Variants in DHX38 observed in about 807,000 individuals in gnomAD.
DHX38 encodes the protein DEAH-box helicase 38, also known as pre-mRNA-splicing factor ATP-dependent RNA helicase PRP16.
A neutral mutation model predicts 153.1 loss-of-function variants in DHX38; 100 were observed. That is an observed-to-expected ratio of 0.65 (90% CI 0.56 to 0.77). The LOEUF is 0.77. DHX38 is among the 30% of genes least tolerant of loss of function. The pLI, the probability that DHX38 is intolerant of heterozygous loss-of-function variation, is 0.00. For synonymous variants in DHX38, 650 were observed against 631.7 expected, an observed-to-expected ratio of 1.03 and a Z score of -0.43; for missense variants, 1,440 against 1,654.0, an observed-to-expected ratio of 0.87 and a Z score of 2.24.
At chr16:72,094,962 C>G (rs939336740) in intron 1 of DHX38, among the ~76,000 whole-genome samples, 4 of 152,218 alleles carry the variant, frequency 2.6e-5, no homozygotes, top group African/African-American at 4.8e-5. Context: ...CACCAATATG[C>G]AGCTTTCTTT....
rs954130393 is a variant in DHX38 at position 72,103,879 on chromosome 16, C to A, written c.1825-67C>A. Reference sequence around the variant, plus strand: ...GGGTGTGATCTGCTAAGACTCGGACCCCAGTACGGGGTGTGCTGGTGGTGA... The same window carrying A: ...GGGTGTGATCTGCTAAGACTCGGACACCAGTACGGGGTGTGCTGGTGGTGA... On this transcript the variant is annotated intron_variant, in intron 13 of 26. Coordinates refer to ENST00000268482, the MANE Select transcript of DHX38 (RefSeq NM_014003.4). The A allele has an allele frequency of 1.8e-5, 29 of 1,602,358 alleles. No homozygotes were observed. In the African/African-American group the frequency reaches 2.0e-4, roughly 11 times the overall value.
At chr16:72,101,229 T>C in intron 10 of DHX38, 36 bp downstream of exon 10, 3 of 1,610,360 alleles carry the variant, frequency 1.9e-6, no homozygotes, top group African/African-American at 1.3e-5. Context: ...GAAGTTTATG[T>C]GTATTTTTTT....
chr16:72,098,770 C>T lies in DHX38; in HGVS notation c.742C>T (p.Leu248=), dbSNP rs2042055818. ...TCGGGATTCTGAGCGGAGCCATCGG[C>T]TGTCCACTCGAGATCGAGACAGGTG... ...SYRDSERSHR[L]STRDRDRSVR... Residue 248 remains leucine, a synonymous_variant, in exon 5 of 27, where the codon CTG becomes TTG. Transcript: ENST00000268482. 3.1e-6 allele frequency: 5 copies of T among 1,614,180 alleles called. No homozygotes were observed. In the East Asian group the frequency reaches 1.1e-4, roughly 36 times the overall value.
rs775421345 is a variant in DHX38 at position 72,107,353 on chromosome 16, A to C, written c.2614A>C (p.Ser872Arg). ...PGQCFRLYTQSAYKNELLTTT... is the reference protein window; with the variant it reads ...PGQCFRLYTQRAYKNELLTTT... ...TCTCCCCGGCAGGCTCTACACCCAG[A>C]GCGCCTACAAGAATGAGCTCCTGAC... Residue 872 changes from serine to arginine, a missense_variant, in exon 20 of 27, where the codon AGC becomes CGC. By Grantham distance (110) the Ser-to-Arg change is moderately radical. Around this residue, in one of 6 missense-constraint regions of DHX38, gnomAD observed 543 missense variants for 717.9 expected, o/e 0.76. Transcript: ENST00000268482. This position sits in a 1 kb window ranked among gnomAD's most constrained non-coding sequence, Gnocchi z 5.3. The C allele has an allele frequency of 6.2e-7, 1 of 1,609,814 alleles. No homozygotes were observed. Among genetic ancestry groups the C allele is most frequent in the South Asian group, 1.1e-5 (1 of 90,998 alleles).
intron 11 of DHX38, 89 bp from the exon 12 acceptor site, chr16:72,102,985 T>A (rs1260558226): frequency 1.9e-6 from 3 of 1,552,486 alleles, no homozygotes; most frequent in African/African-American, 2.7e-5. Context: ...AAGTCCTCAT[T>A]CCTGAGCGTA....
chr16:72,097,831 AGAGT>A (rs1567603607), intron 4 of DHX38, 50 bp downstream of exon 4: 1 of 1,496,542 alleles, frequency 6.7e-7, no homozygotes, highest in Admixed American at 1.9e-5. Flanking sequence ...TATAAAAGGC[AGAGT>A]GAGTGACTCT....
At chr16:72,110,909 C>A in intron 25 of DHX38, 47 bp from the exon 26 acceptor site, 1 of 1,533,224 alleles carries the variant, frequency 6.5e-7, no homozygotes, top group South Asian at 1.2e-5. Flanking sequence ...GGCCTCCTTC[C>A]TTAGTGGTCC....
chr16:72,108,794 C>A lies in DHX38; in HGVS notation c.3256-6C>A, dbSNP rs1193454195. The stretch of plus-strand genomic sequence containing the variant: ...GATGTGGCTGCCTGTTGTGTCTCCT[C>A]CCTAGGGAATCGGGGAGTACGTGAA... On this transcript the variant is annotated splice_polypyrimidine_tract_variant and splice_region_variant and intron_variant, in intron 23 of 26. Coordinates refer to ENST00000268482, the MANE Select transcript of DHX38 (RefSeq NM_014003.4). 6.2e-7 allele frequency: 1 copy of A among 1,612,030 alleles called. No individual in the cohort carries two copies. The highest frequency in any genetic ancestry group is 1.3e-5 in the African/African-American group (1 of 74,894).
intron 18 of DHX38, 62 bp from the exon 19 acceptor site, chr16:72,105,943 C>A: frequency 6.6e-7 from 1 of 1,508,842 alleles, no homozygotes; most frequent in Non-Finnish European, 9.2e-7. Context: ...GCCTTTGTCT[C>A]AGGCCTACTT....
chr16:72,108,753 T>G, intron 23 of DHX38, 47 bp from the exon 24 acceptor site: 1 of 1,603,528 alleles, frequency 6.2e-7, no homozygotes. Context: ...GCTGCCCAAA[T>G]GGGTGTTGTT....
Position 72,096,321 on chromosome 16 carries a change from C to G in DHX38, c.164C>G (p.Ala55Gly). The G allele has an allele frequency of 6.2e-7, 1 of 1,614,188 alleles. No individual in the cohort carries two copies. Among genetic ancestry groups the G allele is most frequent in the Non-Finnish European group, 8.5e-7 (1 of 1,180,034 alleles). The change falls in exon 2 of 27, where the codon GCT becomes GGT. Residue 55 changes from alanine to glycine, a missense_variant. Around this residue, in one of 6 missense-constraint regions of DHX38, gnomAD observed 483 missense variants for 465.1 expected, o/e 1.04. Transcript: ENST00000268482. ...TCATTACTCGGACTGGACTTGCTGG[C>G]TTCCCTGAAACGGAGAGAGCGAGAG... ...RPSLLGLDLL[A>G]SLKRREREEK...
At position 72,096,471 on chromosome 16, in the gene DHX38, G is replaced by A. The variant is rs762921890; in HGVS notation, c.314G>A (p.Arg105Gln). ...EGGDQAGQNI[R>Q]KDRHYRSARV... ...GGTGACCAGGCTGGCCAAAATATCC[G>A]GAAAGACAGGTAAAGGCCTTAGTAT... Residue 105 changes from arginine to glutamine, a missense_variant, in exon 2 of 27, where the codon CGG becomes CAG. Arg to Gln is a conservative substitution (Grantham distance 43). This residue lies in a region of DHX38 where 483 missense variants were observed against 465.1 expected (regional missense o/e 1.04). Transcript: ENST00000268482. 1.7e-5 allele frequency: 28 copies of A among 1,611,786 alleles called. No individual in the cohort carries two copies. In the Admixed American group the frequency reaches 1.8e-4, roughly 11 times the overall value.
rs2144156558 is a variant in DHX38 at position 72,104,183 on chromosome 16, C to T, written c.2010+52C>T. 2 of 1,586,516 alleles carry T rather than the reference C, an allele frequency of 1.3e-6. No individual in the cohort carries two copies. The highest frequency in any genetic ancestry group is 1.9e-4 in the Middle Eastern group (1 of 5,188). ...TGCGCATGGGGTGTTGACCAGTGCA[C>T]CACCAGTAGCTAGTGGGTTGCTCCA... On this transcript the variant is annotated intron_variant, in intron 14 of 26. Transcript: ENST00000268482. This position sits in a 1 kb window ranked among gnomAD's most constrained non-coding sequence, Gnocchi z 4.5.
chr16:72,098,880 G>T, intron 5 of DHX38, 47 bp from the exon 6 acceptor site: 2 of 1,614,114 alleles, frequency 1.2e-6, no homozygotes, highest in Non-Finnish European at 1.7e-6. Flanking sequence ...AGGAGGACGT[G>T]GCTTAGCTCA....
In DHX38 at chr16:72,106,117, G is replaced by T. The variant is rs994572951; in HGVS notation, c.2600G>T (p.Arg867Met). Residue 867 changes from arginine (R) to methionine (M), a missense_variant and splice_region_variant, in exon 19 of 27, where the codon AGG (arginine) becomes ATG (methionine). Transcript: ENST00000268482. ...AGRTGPGQCFRLYTQSAYKNE... is the reference protein window; with the variant it reads ...AGRTGPGQCFMLYTQSAYKNE... Reference sequence around the variant, plus strand: ...AGGACGGGCCCAGGTCAGTGTTTCAGGTAGGAGCCCTGTGCTAGCCTGCTT... The same window carrying T: ...AGGACGGGCCCAGGTCAGTGTTTCATGTAGGAGCCCTGTGCTAGCCTGCTT... 8 of 1,614,082 alleles carry T rather than the reference G, an allele frequency of 5.0e-6. No individual in the cohort carries two copies. The highest frequency in any genetic ancestry group is 6.8e-6 in the Non-Finnish European group (8 of 1,180,012).
At position 72,100,427 on chromosome 16, in the gene DHX38, T is replaced by C; in HGVS notation, c.1117-9T>C. On this transcript the variant is annotated splice_polypyrimidine_tract_variant and intron_variant, in intron 8 of 26. Transcript: ENST00000268482. The stretch of plus-strand genomic sequence containing the variant: ...CAATTTGAGTGTGGCTCCCATTGTG[T>C]CCTCACAGGATAACGAGCGCTGGGA... 1 of 1,613,494 alleles carries C rather than the reference T, an allele frequency of 6.2e-7. No individual in the cohort carries two copies. The highest frequency in any genetic ancestry group is 8.5e-7 in the Non-Finnish European group (1 of 1,179,668).
At chr16:72,112,127 G>A (rs1315343495) in intron 26 of DHX38, 23 of 478,408 alleles carry the variant, frequency 4.8e-5, no homozygotes, top group South Asian at 2.9e-5. Flanking sequence ...TTGGAGTGGC[G>A]CACGTGAGGT....
chr16:72,106,214 GTCCCCAA>G, intron 19 of DHX38, 97 bp downstream of exon 19: 1 of 1,164,886 alleles, frequency 8.6e-7, no homozygotes, highest in Non-Finnish European at 1.2e-6. Context: ...TCTAGAGCTG[GTCCCCAA>G]GGCTGGAAGC....
At position 72,097,022 on chromosome 16, in the gene DHX38, G is replaced by A; in HGVS notation, c.511+13G>A. On this transcript the variant is annotated intron_variant, in intron 3 of 26. Transcript: ENST00000268482. ...AAGAGGGACAGAGGTAAACTGTCCA[G>A]CACAGTTCCTATTGTCCATTAGCAT... 6.2e-7 allele frequency: 1 copy of A among 1,604,254 alleles called. No individual in the cohort carries two copies.
Sources: allele counts gnomAD v4.1 joint callset (sites outside exome capture counted in the v4.1 genomes callset), GRCh38; gene constraint gnomAD v4.1.1; regional missense constraint gnomAD v4.1.1; non-coding constraint Gnocchi (gnomAD v3.1); transcripts MANE v1.5; gene names NCBI Gene and HGNC (gene_info 2026-07-23, HGNC 2026-07-21).